The following PCDHGA12 variants were observed in gnomAD, a reference collection of about 807,000 sequenced individuals.
PCDHGA12 encodes protocadherin gamma-A12.
PCDHGA12 carries 43 observed loss-of-function variants against 61.1 expected under a neutral mutation model. That is an observed-to-expected ratio of 0.70 (90% confidence interval 0.55 to 0.91). PCDHGA12 has a LOEUF of 0.91. Among genes scored for constraint, PCDHGA12 ranks in the 40% least tolerant of loss-of-function variants. PCDHGA12 has a pLI of 0.00. For missense variants in PCDHGA12, 1,236 were observed against 1,227.7 expected (o/e 1.01, Z -0.10); for synonymous variants, 520 against 542.9 (o/e 0.96, Z 0.59).
At chr5:141,448,639 T>C (rs1248697237) in intron 1 of PCDHGA12, among the ~76,000 whole-genome samples, 1 of 152,148 alleles carries the variant, frequency 6.6e-6, no homozygotes, top group Non-Finnish European at 1.5e-5. Context: ...CATTATATCC[T>C]TTAAAAATAT....
At chr5:141,492,500 C>G (rs2099741252) in intron 1 of PCDHGA12, among the ~76,000 whole-genome samples, 1 of 152,322 alleles carries the variant, frequency 6.6e-6, no homozygotes, top group South Asian at 2.1e-4. Flanking sequence ...GCGAGGACTC[C>G]GGAGCCTCCT....
At chr5:141,464,685 C>A (rs1283627323) in intron 1 of PCDHGA12, among the ~76,000 whole-genome samples, 1 of 152,006 alleles carries the variant, frequency 6.6e-6, no homozygotes, top group Non-Finnish European at 1.5e-5. Flanking sequence ...ATTAAAATTT[C>A]TCTTATTATG....
At chr5:141,438,303 T>G (rs2097949191) in intron 1 of PCDHGA12, among the ~76,000 whole-genome samples, 1 of 152,068 alleles carries the variant, frequency 6.6e-6, no homozygotes, top group African/African-American at 2.4e-5. Flanking sequence ...TAAAAGAAGT[T>G]GGTACCACCA....
At chr5:141,458,345 G>A (rs1161535708) in intron 1 of PCDHGA12, among the ~76,000 whole-genome samples, 2 of 152,112 alleles carry the variant, frequency 1.3e-5, no homozygotes, top group Non-Finnish European at 2.9e-5. Context: ...GGAGTGGAGA[G>A]TTTAATAAGC....
chr5:141,494,943 G>A, intron 2 of PCDHGA12, 78 bp downstream of exon 2: 2 of 1,610,326 alleles, frequency 1.2e-6, no homozygotes, highest in Non-Finnish European at 1.7e-6. Flanking sequence ...ATGGGGGAGG[G>A]CCCAGCATTT....
chr5:141,466,799 C>T (rs1049340129), intron 1 of PCDHGA12, among the ~76,000 whole-genome samples: 1 of 152,056 alleles, frequency 6.6e-6, no homozygotes, highest in African/African-American at 2.4e-5. Flanking sequence ...CAAACTAGAT[C>T]CTATTCAGAC....
chr5:141,484,096 G>A (rs539388257), intron 1 of PCDHGA12, among the ~76,000 whole-genome samples: 1 of 152,126 alleles, frequency 6.6e-6, no homozygotes, highest in South Asian at 2.1e-4. Flanking sequence ...GTCTTCGTTG[G>A]TAATTAACAA....
intron 1 of PCDHGA12, chr5:141,492,073 G>C (rs2099736846): frequency 6.2e-6 from 3 of 480,898 alleles, no homozygotes; most frequent in Non-Finnish European, 1.1e-5. Flanking sequence ...CCTAGGCGCC[G>C]GCTCCGGCAC....
chr5:141,471,080 C>T (rs2099249652), intron 1 of PCDHGA12, among the ~76,000 whole-genome samples: 1 of 147,610 alleles, frequency 6.8e-6, no homozygotes, highest in African/African-American at 2.5e-5. Context: ...ACAGGGTCTC[C>T]CTCTGTTGTC....
In PCDHGA12 at chr5:141,512,848, G is replaced by C. The variant is rs1362051688; in HGVS notation, c.*1675G>C. The C allele has an allele frequency of 6.6e-6, 1 of 152,216 alleles. No individual in the cohort carries two copies. 9.4% of individuals were successfully genotyped at this position (152,216 alleles called of 1,614,324 possible). ...CCCCGTACTGACTTCTCCTATAAGC[G>C]CTTCTCTTCGCATAGTCACGTAGCT... On this transcript the variant is annotated 3_prime_UTR_variant, in exon 4 of 4. Transcript: ENST00000252085.
intron 2 of PCDHGA12, among the ~76,000 whole-genome samples, chr5:141,497,977 G>A (rs1368982839): frequency 6.6e-6 from 1 of 152,216 alleles, no homozygotes; most frequent in Admixed American, 6.5e-5. Context: ...CTCGATGTGG[G>A]AGGCCCCTGC....
Position 141,486,369 on chromosome 5 carries a change from C to A in PCDHGA12, c.2425-8438C>A. On this transcript the variant is annotated intron_variant, in intron 1 of 3. Coordinates refer to ENST00000252085, the MANE Select transcript of PCDHGA12 (RefSeq NM_003735.3). This position sits in a 1 kb window ranked among gnomAD's most constrained non-coding sequence, Gnocchi z 5.0. ...GACCACTTGCCATTTGCCCTCAAGT[C>A]TGCCTTCAGGAACCAGTTCTCCCTG... 6.2e-7 allele frequency: 1 copy of A among 1,614,128 alleles called. No individual in the cohort carries two copies. Among genetic ancestry groups the A allele is most frequent in the African/African-American group, 1.3e-5 (1 of 75,048 alleles).
chr5:141,504,461 C>T (rs1485490028), intron 2 of PCDHGA12, among the ~76,000 whole-genome samples: 1 of 151,900 alleles, frequency 6.6e-6, no homozygotes, highest in Non-Finnish European at 1.5e-5. Flanking sequence ...GTGGGGCAGC[C>T]GCTGGGATGG....
intron 3 of PCDHGA12, among the ~76,000 whole-genome samples, chr5:141,506,866 T>C (rs1182560001): frequency 2.6e-5 from 4 of 152,104 alleles, no homozygotes; most frequent in Admixed American, 2.6e-4. Context: ...GACTGGTGGG[T>C]AGAGAACCAG....
At position 141,485,240 on chromosome 5, in the gene PCDHGA12, C is replaced by G; in HGVS notation, c.2425-9567C>G. On this transcript the variant is annotated intron_variant, in intron 1 of 3. Coordinates refer to ENST00000252085, the MANE Select transcript of PCDHGA12 (RefSeq NM_003735.3). This position sits in a 1 kb window ranked among gnomAD's most constrained non-coding sequence, Gnocchi z 5.7. The stretch of plus-strand genomic sequence containing the variant: ...GGCTACCCTTTTGTTCCTCTTTTAC[C>G]ACCTGGGTTACGTTTGTGGGCAGAT... The G allele has an allele frequency of 6.2e-7, 1 of 1,614,174 alleles. No individual in the cohort carries two copies. The highest frequency in any genetic ancestry group is 8.5e-7 in the Non-Finnish European group (1 of 1,180,024).
chr5:141,488,046 G>A (rs958459817), intron 1 of PCDHGA12, among the ~76,000 whole-genome samples: 1 of 152,182 alleles, frequency 6.6e-6, no homozygotes, highest in African/African-American at 2.4e-5. Flanking sequence ...CCAAGGGATT[G>A]AGGGGAAATA....
At chr5:141,448,692 G>A (rs913533738) in intron 1 of PCDHGA12, among the ~76,000 whole-genome samples, 6 of 152,072 alleles carry the variant, frequency 3.9e-5, no homozygotes, top group African/African-American at 9.7e-5. Context: ...TGTAATCGCA[G>A]CACTTTGGGA....
rs1206206519 is a variant in PCDHGA12 at position 141,432,127 on chromosome 5, C to G, written c.1368C>G (p.Ser456=). The part of the protein sequence containing the change: ...NDNPPVFPQA[S]YSAYIPENNP... ...ACCCGCCGGTCTTCCCTCAGGCCTC[C>G]TATTCCGCTTATATCCCAGAGAACA... The change falls in exon 1 of 4, where the codon TCC becomes TCG. Residue 456 remains serine (S), a synonymous_variant. Coordinates refer to ENST00000252085, the MANE Select transcript of PCDHGA12 (RefSeq NM_003735.3). The surrounding 1 kb of genome is among the most constrained non-coding windows in gnomAD (Gnocchi z 6.0). The G allele has an allele frequency of 6.8e-6, 11 of 1,614,160 alleles. No homozygotes were observed. The highest frequency in any genetic ancestry group is 8.5e-6 in the Non-Finnish European group (10 of 1,180,032).
rs1468315559 is a variant in PCDHGA12 at position 141,493,636 on chromosome 5, G to A, written c.2425-1171G>A. 1.3e-5 allele frequency among the ~76,000 whole-genome samples: 2 copies of A among 152,130 alleles called. No individual in the cohort carries two copies. Among genetic ancestry groups the A allele is most frequent in the Non-Finnish European group, 2.9e-5 (2 of 68,040 alleles). The stretch of plus-strand genomic sequence containing the variant: ...TGTGTCTAAGAATACAGTGGCTGAG[G>A]GCTGGCCATCCCTGTGCCCTTCTCC... On this transcript the variant is annotated intron_variant, in intron 1 of 3. Transcript: ENST00000252085. The surrounding 1 kb of genome is among the most constrained non-coding windows in gnomAD (Gnocchi z 4.3).
Sources: allele counts gnomAD v4.1 joint callset (sites outside exome capture counted in the v4.1 genomes callset), GRCh38; gene constraint gnomAD v4.1.1; non-coding constraint Gnocchi (gnomAD v3.1); transcripts MANE v1.5; gene names NCBI Gene and HGNC (gene_info 2026-07-23, HGNC 2026-07-21).